The following BRDT variants were observed in gnomAD, a reference collection of about 807,000 sequenced individuals.
The protein encoded by BRDT is bromodomain testis associated.
BRDT carries 77 observed loss-of-function variants against 113.9 expected under a neutral mutation model. The ratio of observed to expected loss-of-function variants is 0.68; its 90% confidence interval spans 0.56 to 0.82. The LOEUF is 0.82. BRDT is among the 40% of genes least tolerant of loss of function. The pLI is 0.00. For synonymous variants in BRDT, 358 were observed against 366.5 expected (o/e 0.98, Z 0.26); for missense variants, 1,027 against 1,105.4 (o/e 0.93, Z 1.01).
intron 12 of BRDT, among the ~76,000 whole-genome samples, chr1:91,983,060 T>C (rs1684860199): frequency 1.3e-5 from 2 of 152,148 alleles, no homozygotes; most frequent in African/African-American, 4.8e-5. Flanking sequence ...GCTTCAAGTG[T>C]TAGAGGAAAA....
intron 4 of BRDT, among the ~76,000 whole-genome samples, chr1:91,969,788 A>G (rs1374765953): frequency 2.7e-5 from 4 of 149,704 alleles, no homozygotes; most frequent in Non-Finnish European, 5.9e-5. Flanking sequence ...TTAACTTTCA[A>G]GTGTTTAAGT....
intron 18 of BRDT, among the ~76,000 whole-genome samples, chr1:92,009,202 G>C (rs763352975): frequency 1.3e-5 from 2 of 152,124 alleles, no homozygotes; most frequent in Non-Finnish European, 2.9e-5. Context: ...ACAGATAAGT[G>C]AGATCATGCA....
chr1:91,992,648 G>C (rs556901580), intron 14 of BRDT, among the ~76,000 whole-genome samples: 1 of 152,118 alleles, frequency 6.6e-6, no homozygotes, highest in Non-Finnish European at 1.5e-5. Flanking sequence ...CGATTCTCAT[G>C]CCTCAGTCTC....
Position 91,978,209 on chromosome 1 carries a change from T to A in BRDT, c.1011T>A (p.Phe337Leu), listed in dbSNP as rs1223072131. The change falls in exon 7 of 19, where the codon TTT becomes TTA. Residue 337 changes from phenylalanine (F) to leucine (L), a missense_variant. Coordinates refer to ENST00000399546, the MANE Select transcript of BRDT (RefSeq NM_207189.4). ...DNQEYKDAYK[F>L]AADVRLMFMN... ...AAGAATATAAGGATGCATACAAATT[T>A]GCGGCAGATGTTAGATTAATGTTCA... is the stretch of plus-strand genomic sequence containing the variant. 1.2e-6 allele frequency: 2 copies of A among 1,613,952 alleles called. No individual in the cohort carries two copies. The highest frequency in any genetic ancestry group is 4.5e-5 in the East Asian group (2 of 44,856).
intron 1 of BRDT, among the ~76,000 whole-genome samples, chr1:91,955,710 A>T (rs1163087119): frequency 6.6e-6 from 1 of 152,242 alleles, no homozygotes; most frequent in Non-Finnish European, 1.5e-5. Context: ...CAGTGGATAC[A>T]TTATAAAAGG....
chr1:91,951,645 G>A (rs1203130654), intron 1 of BRDT, among the ~76,000 whole-genome samples: 3 of 150,834 alleles, frequency 2.0e-5, no homozygotes, highest in East Asian at 2.0e-4. Context: ...GTGGTGGCAC[G>A]CGCCTGTAAT....
At chr1:92,012,300 A>T (rs1170999712) in intron 18 of BRDT, among the ~76,000 whole-genome samples, 2 of 145,516 alleles carry the variant, frequency 1.4e-5, no homozygotes, top group Admixed American at 1.4e-4. Context: ...TCCATCTAGA[A>T]AAAAAAAAAA....
At chr1:92,000,179 G>A (rs557126146) in intron 15 of BRDT, among the ~76,000 whole-genome samples, 2 of 152,298 alleles carry the variant, frequency 1.3e-5, no homozygotes, top group East Asian at 3.9e-4. Flanking sequence ...CACCCAGTCT[G>A]GTCCCCAGAT....
intron 18 of BRDT, among the ~76,000 whole-genome samples, chr1:92,007,924 CGTTT>C (rs2101824548): frequency 6.7e-6 from 1 of 149,846 alleles, no homozygotes. Context: ...TTCATTCATT[CGTTT>C]ATTTTTGAGG....
intron 1 of BRDT, among the ~76,000 whole-genome samples, chr1:91,955,928 A>T (rs892009144): frequency 3.3e-5 from 5 of 152,004 alleles, no homozygotes; most frequent in Admixed American, 2.0e-4. Context: ...GCCCTCAATT[A>T]CAGTGTATTT....
chr1:91,973,033 G>T (rs1683777485), intron 4 of BRDT, among the ~76,000 whole-genome samples: 1 of 152,180 alleles, frequency 6.6e-6, no homozygotes, highest in Admixed American at 6.6e-5. Context: ...ATATGGGGTG[G>T]TTGAGAAGGT....
chr1:91,978,895 C>T (rs753560173), intron 7 of BRDT, among the ~76,000 whole-genome samples: 1 of 147,822 alleles, frequency 6.8e-6, no homozygotes, highest in Non-Finnish European at 1.5e-5. Context: ...CTGCTGGGGG[C>T]GCTGAGACAG....
At chr1:91,951,298 A>T (rs974864751) in intron 1 of BRDT, among the ~76,000 whole-genome samples, 7 of 152,212 alleles carry the variant, frequency 4.6e-5, no homozygotes, top group Non-Finnish European at 1.0e-4. Context: ...AAGCAACACC[A>T]TTGCATAATT....
intron 18 of BRDT, among the ~76,000 whole-genome samples, chr1:92,006,203 C>T (rs1361530508): frequency 1.3e-5 from 2 of 152,066 alleles, no homozygotes; most frequent in Non-Finnish European, 2.9e-5. Context: ...TATTTTATTG[C>T]TGTTGGATAG....
chr1:92,004,729 C>A, intron 17 of BRDT, 110 bp downstream of exon 17: 1 of 976,618 alleles, frequency 1.0e-6, no homozygotes, highest in Non-Finnish European at 1.5e-6. Context: ...TAGTAGAACA[C>A]AGAGCAAATT....
At chr1:91,997,690 T>G (rs1029664047) in intron 15 of BRDT, among the ~76,000 whole-genome samples, 2 of 152,248 alleles carry the variant, frequency 1.3e-5, no homozygotes, top group Non-Finnish European at 2.9e-5. Context: ...ATTCTGTTTA[T>G]ATGATGCCTA....
chr1:91,997,770 T>G (rs1686476900), intron 15 of BRDT, among the ~76,000 whole-genome samples: 1 of 152,246 alleles, frequency 6.6e-6, no homozygotes, highest in African/African-American at 2.4e-5. Flanking sequence ...GTTAGCAAGA[T>G]TCTCAGAAAC....
At chr1:91,983,694 GT>G (rs142222268) in intron 12 of BRDT, among the ~76,000 whole-genome samples, 139 of 139,410 alleles carry the variant, frequency 1.0e-3, no homozygotes, top group African/African-American at 2.6e-3. Context: ...TGTTTTTTTG[GT>G]TTTTTTTTTT....
intron 12 of BRDT, among the ~76,000 whole-genome samples, chr1:91,983,700 T>C (rs1041384586): frequency 1.2e-4 from 18 of 151,906 alleles, no homozygotes; most frequent in African/African-American, 3.9e-4. Context: ...TTTGGTTTTT[T>C]TTTTTTGAGA....
Sources: allele counts gnomAD v4.1 joint callset (sites outside exome capture counted in the v4.1 genomes callset), GRCh38; gene constraint gnomAD v4.1.1; transcripts MANE v1.5; gene names NCBI Gene and HGNC (gene_info 2026-07-23, HGNC 2026-07-21).